GPC6: variants seen among roughly 807,000 people sequenced by gnomAD.
GPC6 encodes glypican 6.
Under a neutral mutation model 55.2 loss-of-function variants are expected in GPC6, and 14 were observed. That is an observed-to-expected ratio of 0.25 (90% CI 0.17 to 0.40). The LOEUF (loss-of-function observed/expected upper bound fraction) is 0.40. Among genes scored for constraint, GPC6 ranks in the 10% least tolerant of loss-of-function variants. GPC6 has a pLI of 1.00. For synonymous variants in GPC6, 278 were observed against 259.6 expected (o/e 1.07, Z -0.68); for missense variants, 641 against 708.5 (o/e 0.90, Z 1.08).
chr13:93,803,377 G>A (rs542809223), intron 2 of GPC6, among the ~76,000 whole-genome samples: 3 of 152,154 alleles, frequency 2.0e-5, no homozygotes, highest in African/African-American at 7.2e-5. Context: ...ATCAAAACCA[G>A]TATAAGATAC....
rs57138139 is a variant in GPC6, at chr13:94,012,027, T to C, written c.712-15702T>C. 9.1e-3 allele frequency among the ~76,000 whole-genome samples: 1,380 copies of C among 152,296 alleles called. 24 individuals carry two copies. Among genetic ancestry groups the C allele is most frequent in the African/African-American group, 0.03 (1,252 of 41,572 alleles). On this transcript the variant is annotated intron_variant, in intron 3 of 8. Coordinates refer to ENST00000377047, the MANE Select transcript of GPC6 (RefSeq NM_005708.5). Reference sequence around the variant, plus strand: ...ATGCAGTGCTGTCTTTTTTTCTCCTTTCAAAGACCGCCATCTTATTTTCTT... The same window carrying C: ...ATGCAGTGCTGTCTTTTTTTCTCCTCTCAAAGACCGCCATCTTATTTTCTT...
intron 2 of GPC6, among the ~76,000 whole-genome samples, chr13:93,635,561 G>T (rs1879656249): frequency 1.3e-5 from 2 of 152,126 alleles, no homozygotes; most frequent in Non-Finnish European, 1.5e-5. Context: ...AGTGGTTTTG[G>T]TTCTGTTGTG....
intron 4 of GPC6, among the ~76,000 whole-genome samples, chr13:94,158,027 A>G (rs902590544): frequency 1.8e-4 from 27 of 152,160 alleles, no homozygotes; most frequent in African/African-American, 6.5e-4. Context: ...CCCATTCCCC[A>G]CTAACCTGCC....
chr13:93,844,406 G>C (rs1402156534), intron 3 of GPC6, among the ~76,000 whole-genome samples: 2 of 152,124 alleles, frequency 1.3e-5, no homozygotes, highest in Non-Finnish European at 2.9e-5. Flanking sequence ...CAAAGTGTTG[G>C]AATTACAGGC....
intron 6 of GPC6, among the ~76,000 whole-genome samples, chr13:94,373,261 A>G (rs1185050463): frequency 6.6e-6 from 1 of 151,800 alleles, no homozygotes; most frequent in Non-Finnish European, 1.5e-5. Context: ...CGATCAAATT[A>G]CTCTGAGCTA....
intron 2 of GPC6, among the ~76,000 whole-genome samples, chr13:93,665,426 A>C (rs894005537): frequency 6.6e-6 from 1 of 152,204 alleles, no homozygotes; most frequent in East Asian, 1.9e-4. Flanking sequence ...ATAGATAACT[A>C]TGCAGGGATA....
At chr13:93,530,035 C>T (rs1293709964) in intron 1 of GPC6, among the ~76,000 whole-genome samples, 1 of 152,150 alleles carries the variant, frequency 6.6e-6, no homozygotes, top group South Asian at 2.1e-4. Flanking sequence ...AAGCAGTGAG[C>T]ACTGCAAAAG....
At chr13:93,670,333 CTTAG>C (rs1254372645) in intron 2 of GPC6, among the ~76,000 whole-genome samples, 1 of 152,142 alleles carries the variant, frequency 6.6e-6, no homozygotes, top group African/African-American at 2.4e-5. Context: ...ACTGCCATGT[CTTAG>C]TTAGCTTGGC....
At chr13:93,797,869 T>C (rs1254433383) in intron 2 of GPC6, among the ~76,000 whole-genome samples, 1 of 152,214 alleles carries the variant, frequency 6.6e-6, no homozygotes, top group East Asian at 1.9e-4. Flanking sequence ...TCTGGGTCTC[T>C]ATTTCCAGTG....
chr13:93,769,719 A>G (rs1435203864), intron 2 of GPC6, among the ~76,000 whole-genome samples: 2 of 152,200 alleles, frequency 1.3e-5, no homozygotes, highest in African/African-American at 4.8e-5. Flanking sequence ...CCAGATGGGA[A>G]TTAAGTGGAA....
intron 7 of GPC6, among the ~76,000 whole-genome samples, chr13:94,382,973 A>G (rs1880235591): frequency 6.6e-6 from 1 of 152,026 alleles, no homozygotes; most frequent in Non-Finnish European, 1.5e-5. Flanking sequence ...CTCTTGTTGG[A>G]AAAAAAATTG....
chr13:93,952,142 C>T (rs900310019), intron 3 of GPC6, among the ~76,000 whole-genome samples: 1 of 151,996 alleles, frequency 6.6e-6, no homozygotes, highest in Non-Finnish European at 1.5e-5. Flanking sequence ...CTTCTAGGAA[C>T]ACAGGAAACA....
At chr13:94,270,964 A>ATTTTTTTTTTT in intron 4 of GPC6, among the ~76,000 whole-genome samples, 1 of 49,672 alleles carries the variant, frequency 2.0e-5, no homozygotes, top group Non-Finnish European at 3.7e-5. Flanking sequence ...GAGAAGTATA[A>ATTTTTTTTTTT]TTTTTTTTTT....
chr13:94,382,423 A>G lies in GPC6; in HGVS notation c.1162A>G (p.Ile388Val), dbSNP rs144734105. The G allele has an allele frequency of 1.4e-4, 229 of 1,614,062 alleles. No individual in the cohort carries two copies. Among genetic ancestry groups the G allele is most frequent in the Non-Finnish European group, 1.8e-4 (217 of 1,179,984 alleles). ...GTSLDRLVTD[I>V]KEKLKLSKKV... ...TTGGTTTCTTGATCAGGTCACAGAC[A>G]TAAAAGAGAAATTGAAGCTCTCTAA... is the stretch of plus-strand genomic sequence containing the variant. Residue 388 changes from isoleucine to valine, a missense_variant, in exon 7 of 9, where the codon ATA becomes GTA. Coordinates refer to ENST00000377047, the MANE Select transcript of GPC6 (RefSeq NM_005708.5).
chr13:93,604,952 T>C (rs1878177333), intron 2 of GPC6, among the ~76,000 whole-genome samples: 1 of 152,188 alleles, frequency 6.6e-6, no homozygotes, highest in Admixed American at 6.5e-5. Context: ...AAACTTGGAT[T>C]TTGAACTCAA....
intron 3 of GPC6, among the ~76,000 whole-genome samples, chr13:93,913,963 G>A (rs1017850801): frequency 1.3e-5 from 2 of 152,024 alleles, no homozygotes; most frequent in Admixed American, 1.3e-4. Context: ...ATTTTCTTCT[G>A]CATTCTATGA....
intron 3 of GPC6, among the ~76,000 whole-genome samples, chr13:93,839,564 G>A (rs137889442): frequency 9.9e-5 from 15 of 152,168 alleles, no homozygotes; most frequent in East Asian, 1.9e-4. Flanking sequence ...GCTTATCACC[G>A]TTTACACTGC....
At chr13:93,556,471 G>T (rs1358466240) in intron 2 of GPC6, among the ~76,000 whole-genome samples, 1 of 148,550 alleles carries the variant, frequency 6.7e-6, no homozygotes, top group Non-Finnish European at 1.5e-5. Flanking sequence ...CAGGCATGCA[G>T]TGTGAAATAA....
intron 1 of GPC6, among the ~76,000 whole-genome samples, chr13:93,477,343 T>C (rs1373838): frequency 0.21 from 32,622 of 152,100 alleles, 3,717 homozygotes; most frequent in East Asian, 0.37. Flanking sequence ...GTTTTTTCCA[T>C]GAATGAGAGA....
Sources: allele counts gnomAD v4.1 joint callset (sites outside exome capture counted in the v4.1 genomes callset), GRCh38; gene constraint gnomAD v4.1.1; transcripts MANE v1.5; gene names NCBI Gene and HGNC (gene_info 2026-07-23, HGNC 2026-07-21).